The following ZKSCAN3 variants were observed in gnomAD, a reference collection of about 807,000 sequenced individuals.
ZKSCAN3 encodes zinc finger protein with KRAB and SCAN domains 3.
In ZKSCAN3, 21 loss-of-function variants were observed where a neutral mutation model predicts 30.7. That is an observed-to-expected ratio of 0.68 (90% CI 0.49 to 0.99). The LOEUF is 0.99. Among genes scored for constraint, ZKSCAN3 ranks in the 50% least tolerant of loss-of-function variants. ZKSCAN3 has a pLI of 0.00. For synonymous variants in ZKSCAN3, 201 were observed against 246.7 expected, an observed-to-expected ratio of 0.81 and a Z score of 1.73; for missense variants, 507 against 647.1, an observed-to-expected ratio of 0.78 and a Z score of 2.35.
rs1371614796 is a variant in ZKSCAN3, at chr6:28,368,896, CAA to C, written c.*2615_*2616del. ...TCTCTTCCATATTTATAATATCAGT[CAA>C]AAACTCTGGAATTCAAATATAACAA... On this transcript the variant is annotated 3_prime_UTR_variant, in exon 6 of 6. Transcript: ENST00000252211. 4.6e-5 allele frequency: 7 copies of C among 153,076 alleles called. No homozygotes were observed. The highest frequency in any genetic ancestry group is 1.7e-4 in the African/African-American group (7 of 41,452). 9.5% of individuals were successfully genotyped at this position (153,076 alleles called of 1,614,324 possible).
chr6:28,364,151 T>C (rs181761930), intron 5 of ZKSCAN3, among the ~76,000 whole-genome samples: 7 of 152,192 alleles, frequency 4.6e-5, no homozygotes, highest in Non-Finnish European at 8.8e-5. Flanking sequence ...TTAATTTTAA[T>C]TTTTTGTCGA....
At chr6:28,352,895 G>A (rs1378002886) in intron 1 of ZKSCAN3, among the ~76,000 whole-genome samples, 1 of 151,968 alleles carries the variant, frequency 6.6e-6, no homozygotes, top group Non-Finnish European at 1.5e-5. Context: ...GGTTCAGGAA[G>A]ACACGGACTT....
Position 28,359,982 on chromosome 6 carries a change from G to A in ZKSCAN3, c.396G>A (p.Ala132=). The change falls in exon 2 of 6, where the codon GCG becomes GCA. Residue 132 remains alanine (A), a synonymous_variant. Transcript: ENST00000252211. ...EYLERQLDEP[A]PQVSGVDQGQ... ...TGGAGAGGCAGCTGGATGAGCCGGCGCCGCAGGTAGAAAGAACAGGTTTAG... is the reference window on the plus strand; with the variant it reads ...TGGAGAGGCAGCTGGATGAGCCGGCACCGCAGGTAGAAAGAACAGGTTTAG... The A allele has an allele frequency of 6.2e-7, 1 of 1,614,174 alleles. No homozygotes were observed. Among genetic ancestry groups the A allele is most frequent in the Non-Finnish European group, 8.5e-7 (1 of 1,180,040 alleles).
Position 28,366,026 on chromosome 6 carries a change from A to G in ZKSCAN3, c.1358A>G (p.Asn453Ser). ...CAGAGGATCCATACTGGGGATAAAAATGTTCAGGAACCTGAGCAGGGAGAG... is the reference window on the plus strand; with the variant it reads ...CAGAGGATCCATACTGGGGATAAAAGTGTTCAGGAACCTGAGCAGGGAGAG... ...RHQRIHTGDK[N>S]VQEPEQGEAW... Residue 453 changes from asparagine to serine, a missense_variant, in exon 6 of 6, where the codon AAT becomes AGT. Asn to Ser is a conservative substitution (Grantham distance 46). Transcript: ENST00000252211. 6.2e-7 allele frequency: 1 copy of G among 1,612,738 alleles called. No individual in the cohort carries two copies. The highest frequency in any genetic ancestry group is 8.5e-7 in the Non-Finnish European group (1 of 1,179,470).
chr6:28,362,427 C>G (rs890470264), intron 3 of ZKSCAN3, among the ~76,000 whole-genome samples: 1 of 152,170 alleles, frequency 6.6e-6, no homozygotes, highest in South Asian at 2.1e-4. Flanking sequence ...TAGGAAATGG[C>G]TGTATGTGTT....
chr6:28,363,882 A>C, intron 5 of ZKSCAN3, 67 bp downstream of exon 5: 1 of 1,573,094 alleles, frequency 6.4e-7, no homozygotes. Context: ...GAACCTGTTG[A>C]GCTATTGGAA....
intron 3 of ZKSCAN3, 22 bp downstream of exon 3, chr6:28,361,493 G>A (rs748558675): frequency 6.3e-7 from 1 of 1,580,950 alleles, no homozygotes; most frequent in Admixed American, 1.9e-5. Context: ...TTTCTAGACA[G>A]TATGAATTCT....
At position 28,351,776 on chromosome 6, in the gene ZKSCAN3, CTCTCT is replaced by C. The variant is rs994052824; in HGVS notation, c.-63+1716_-63+1720del. 4.6e-5 allele frequency among the ~76,000 whole-genome samples: 7 copies of C among 151,554 alleles called. No homozygotes were observed. Among genetic ancestry groups the C allele is most frequent in the Non-Finnish European group, 1.5e-5 (1 of 67,958 alleles). ...TCTCTTTTTTTTCCTCATTTCGTCC[CTCTCT>C]TCTCTTTCATTTTATAGCAAATTGC... On this transcript the variant is annotated intron_variant, in intron 1 of 5. Coordinates refer to ENST00000252211, the MANE Select transcript of ZKSCAN3 (RefSeq NM_024493.4). This position sits in a 1 kb window ranked among gnomAD's most constrained non-coding sequence, Gnocchi z 4.6.
chr6:28,353,881 A>G, intron 1 of ZKSCAN3: 1 of 456,550 alleles, frequency 2.2e-6, no homozygotes, highest in Non-Finnish European at 4.4e-6. Flanking sequence ...GCCAAGTGTC[A>G]GGTTCCAGCC....
chr6:28,366,069 G>A lies in ZKSCAN3; in HGVS notation c.1401G>A (p.Met467Ile). ...PEQGEAWKSR[M>I]ESQLENVETP... ...AGGGAGAGGCCTGGAAAAGTAGGAT[G>A]GAAAGCCAGTTGGAAAATGTTGAAA... Residue 467 changes from methionine to isoleucine, a missense_variant, in exon 6 of 6, where the codon ATG (methionine) becomes ATA (isoleucine). Transcript: ENST00000252211. The A allele has an allele frequency of 6.2e-7, 1 of 1,607,870 alleles. No individual in the cohort carries two copies. The highest frequency in any genetic ancestry group is 8.5e-7 in the Non-Finnish European group (1 of 1,177,688).
In ZKSCAN3 at chr6:28,369,073, G is replaced by C. The variant is rs1766085677; in HGVS notation, c.*2788G>C. 6.6e-6 allele frequency: 1 copy of C among 151,982 alleles called. No individual in the cohort carries two copies. The highest frequency in any genetic ancestry group is 2.1e-4 in the South Asian group (1 of 4,820). 9.4% of individuals were successfully genotyped at this position (151,982 alleles called of 1,614,324 possible). Reference sequence around the variant, plus strand: ...CCCTGTTTTTATGCTAGTTTCCAAGGCTTGGTCCTTCAAGGTTTTCAGGGA... The same window carrying C: ...CCCTGTTTTTATGCTAGTTTCCAAGCCTTGGTCCTTCAAGGTTTTCAGGGA... On this transcript the variant is annotated 3_prime_UTR_variant, in exon 6 of 6. Coordinates refer to ENST00000252211, the MANE Select transcript of ZKSCAN3 (RefSeq NM_024493.4). The surrounding 1 kb of genome is among the most constrained non-coding windows in gnomAD (Gnocchi z 4.1).
chr6:28,364,164 TAG>T (rs1765869195), intron 5 of ZKSCAN3, among the ~76,000 whole-genome samples: 1 of 152,068 alleles, frequency 6.6e-6, no homozygotes, highest in Non-Finnish European at 1.5e-5. Context: ...TTTGTCGAGA[TAG>T]AGTTTTGCTA....
At position 28,365,601 on chromosome 6, in the gene ZKSCAN3, G is replaced by A. The variant is rs142195611; in HGVS notation, c.933G>A (p.Gly311=). The change falls in exon 6 of 6, where the codon GGG becomes GGA. Residue 311 remains glycine, a synonymous_variant. Coordinates refer to ENST00000252211, the MANE Select transcript of ZKSCAN3 (RefSeq NM_024493.4). ...LQRKQKNATG[G]RRHICHECGK... ...GAAAGCAGAAAAATGCCACAGGAGG[G>A]AGGCGGCACATCTGCCATGAATGTG... 4 of 1,614,254 alleles carry A rather than the reference G, an allele frequency of 2.5e-6. No individual in the cohort carries two copies. The highest frequency in any genetic ancestry group is 3.4e-6 in the Non-Finnish European group (4 of 1,180,046).
rs1435010768 is a variant in ZKSCAN3, at chr6:28,351,256, T to C, written c.-63+1189T>C. Among the ~76,000 whole-genome samples the C allele has an allele frequency of 2.0e-5, 3 of 152,212 alleles. No homozygotes were observed. Among genetic ancestry groups the C allele is most frequent in the Non-Finnish European group, 2.9e-5 (2 of 68,036 alleles). On this transcript the variant is annotated intron_variant, in intron 1 of 5. Transcript: ENST00000252211. The surrounding 1 kb of genome is among the most constrained non-coding windows in gnomAD (Gnocchi z 4.6). ...CAAGTAGGGGCCAGGTAGTGAAACC[T>C]AAATGGAGTTTGTGGAATAAATGAT...
rs1257951084 is a variant in ZKSCAN3 at position 28,368,083 on chromosome 6, A to G, written c.*1798A>G. Reference sequence around the variant, plus strand: ...TGTGATGTTCCCCTTCCTGTGTCCAAGTGTTCTCCTTATTCAATTCCCACC... The same window carrying G: ...TGTGATGTTCCCCTTCCTGTGTCCAGGTGTTCTCCTTATTCAATTCCCACC... On this transcript the variant is annotated 3_prime_UTR_variant, in exon 6 of 6. Transcript: ENST00000252211. The G allele has an allele frequency of 1.5e-5, 2 of 130,008 alleles. No homozygotes were observed. Among genetic ancestry groups the G allele is most frequent in the African/African-American group, 3.0e-5 (1 of 33,732 alleles). The allele number at this position is 130,008 out of a possible 1,614,324, so 8.1% of individuals were successfully genotyped here.
intron 1 of ZKSCAN3, among the ~76,000 whole-genome samples, chr6:28,356,923 A>C (rs1424478788): frequency 1.3e-5 from 2 of 152,178 alleles, no homozygotes; most frequent in African/African-American, 4.8e-5. Flanking sequence ...CTTGCTCACT[A>C]TGCCAAATGT....
intron 1 of ZKSCAN3, chr6:28,355,679 A>G (rs1432518618): frequency 6.6e-6 from 1 of 152,228 alleles, no homozygotes; most frequent in Non-Finnish European, 1.5e-5. Flanking sequence ...CTAAATCTGC[A>G]AGAGAATCAG....
chr6:28,361,085 G>C (rs1765747613), intron 2 of ZKSCAN3, among the ~76,000 whole-genome samples: 1 of 152,126 alleles, frequency 6.6e-6, no homozygotes, highest in African/African-American at 2.4e-5. Context: ...GTGTGCTCTG[G>C]CATCATTCTA....
intron 5 of ZKSCAN3, among the ~76,000 whole-genome samples, chr6:28,365,070 T>TA (rs1354107304): frequency 6.6e-6 from 1 of 152,180 alleles, no homozygotes; most frequent in Non-Finnish European, 1.5e-5. Flanking sequence ...TTTTAGTATC[T>TA]AATCCTAGGT....
Sources: allele counts gnomAD v4.1 joint callset (sites outside exome capture counted in the v4.1 genomes callset), GRCh38; gene constraint gnomAD v4.1.1; non-coding constraint Gnocchi (gnomAD v3.1); transcripts MANE v1.5; gene names NCBI Gene and HGNC (gene_info 2026-07-23, HGNC 2026-07-21).